Variants in ING2 observed in about 807,000 individuals in gnomAD.
The protein encoded by ING2 is inhibitor of growth family member 2.
Under a neutral mutation model 30.6 loss-of-function variants are expected in ING2, and 7 were observed. The observed-to-expected ratio is 0.23, with a 90% CI of 0.13 to 0.43. ING2 has a LOEUF of 0.43. Ranked by LOEUF, ING2 falls within the 20% of genes least tolerant of loss-of-function variation. ING2 has a pLI of 1.00. For missense variants in ING2, 239 were observed against 334.9 expected (o/e 0.71, Z 2.24); for synonymous variants, 136 against 121.7 (o/e 1.12, Z -0.78).
rs912815939 is a variant in ING2, at chr4:183,510,951, A to G, written c.842A>G (p.Ter281TrpextTer1). 6 of 1,571,456 alleles carry G rather than the reference A, an allele frequency of 3.8e-6. No homozygotes were observed. Among genetic ancestry groups the G allele is most frequent in the Non-Finnish European group, 5.2e-6 (6 of 1,157,802 alleles). ...EKTKKDRRSR[*>W] ...ACAAAAAAGGATAGAAGATCGAGGT[A>G]GTAAAGGCCATCCACATTTTAAAGG... Residue 281 changes from the stop codon to tryptophan, a stop_lost, in exon 2 of 2, where the codon TAG (stop) becomes TGG (tryptophan). Transcript: ENST00000302327.
chr4:183,505,720 C>T (rs1260273792), intron 1 of ING2, among the ~76,000 whole-genome samples: 3 of 150,518 alleles, frequency 2.0e-5, no homozygotes, highest in African/African-American at 4.9e-5. Flanking sequence ...TGCAGCCGGG[C>T]AAGGGTCGGA....
chr4:183,508,302 C>T (rs1399740141), intron 1 of ING2, among the ~76,000 whole-genome samples: 1 of 151,906 alleles, frequency 6.6e-6, no homozygotes, highest in African/African-American at 2.4e-5. Flanking sequence ...CTGTACTTAG[C>T]CTCTAACACC....
chr4:183,508,333 T>C (rs1421674409), intron 1 of ING2, among the ~76,000 whole-genome samples: 1 of 152,208 alleles, frequency 6.6e-6, no homozygotes, highest in Non-Finnish European at 1.5e-5. Flanking sequence ...GTACAAAATA[T>C]TTGAAAAGAG....
intron 1 of ING2, among the ~76,000 whole-genome samples, chr4:183,507,104 T>G (rs1734666474): frequency 6.6e-6 from 1 of 152,038 alleles, no homozygotes; most frequent in African/African-American, 2.4e-5. Context: ...AAGCTTGTAG[T>G]TTGTGTTGTT....
intron 1 of ING2, chr4:183,506,439 C>G (rs574529437): frequency 6.6e-6 from 4 of 609,472 alleles, no homozygotes; most frequent in South Asian, 6.1e-5. Context: ...GCGAAACCAC[C>G]CTTTGCCGGC....
chr4:183,510,924 A>G lies in ING2; in HGVS notation c.815A>G (p.Lys272Arg), dbSNP rs756496703. The change falls in exon 2 of 2, where the codon AAG (lysine) becomes AGG (arginine). Residue 272 changes from lysine to arginine, a missense_variant. By Grantham distance (26) the Lys-to-Arg change is conservative. Transcript: ENST00000302327. ...NEKTMDKSTE[K>R]TKKDRRSR ...AAAACAATGGACAAAAGTACTGAAA[A>G]GACAAAAAAGGATAGAAGATCGAGG... 1 of 1,599,070 alleles carries G rather than the reference A, an allele frequency of 6.3e-7. No homozygotes were observed. Among genetic ancestry groups the G allele is most frequent in the South Asian group, 1.1e-5 (1 of 89,936 alleles).
In ING2 at chr4:183,510,275, T is replaced by C. The variant is rs1734791416; in HGVS notation, c.173-7T>C. 1 of 1,548,200 alleles carries C rather than the reference T, an allele frequency of 6.5e-7. No individual in the cohort carries two copies. The highest frequency in any genetic ancestry group is 2.1e-5 in the Admixed American group (1 of 47,504). Reference sequence around the variant, plus strand: ...TAACGTTCTCATTTTTCTTTTCCTTTTTTTAGAAACGTTAAAGGAAATTGA... The same window carrying C: ...TAACGTTCTCATTTTTCTTTTCCTTCTTTTAGAAACGTTAAAGGAAATTGA... On this transcript the variant is annotated splice_polypyrimidine_tract_variant and splice_region_variant and intron_variant, in intron 1 of 1. Coordinates refer to ENST00000302327, the MANE Select transcript of ING2 (RefSeq NM_001564.4).
At chr4:183,510,185 T>G (rs576425233) in intron 1 of ING2, 97 bp from the exon 2 acceptor site, 534 of 849,526 alleles carry the variant, frequency 6.3e-4, no homozygotes, top group Non-Finnish European at 9.1e-4. Context: ...TTTCATGGTT[T>G]GAGTTCTAAT....
chr4:183,506,011 G>C, intron 1 of ING2: 1 of 887,830 alleles, frequency 1.1e-6, no homozygotes, highest in Non-Finnish European at 1.4e-6. Flanking sequence ...CCGCGGGAGA[G>C]GAAGAGAGGG....
Position 183,506,315 on chromosome 4 carries a change from C to T in ING2, c.172+948C>T, listed in dbSNP as rs952290915. 3.9e-5 allele frequency: 51 copies of T among 1,303,832 alleles called. No individual in the cohort carries two copies. The Admixed American group carries it at 7.6e-4, about 19-fold the overall frequency. The allele number at this position is 1,303,832 out of a possible 1,614,324, so 80.8% of individuals were successfully genotyped here. A position where few individuals can be genotyped will look rare whatever the true frequency, so the allele number is the denominator to read the frequency against. ...GCTCGGACCGTCGCGGATCCTGGCTCCGCGTAGGTTCCGGGACATGTGTCA... is the reference window on the plus strand; with the variant it reads ...GCTCGGACCGTCGCGGATCCTGGCTTCGCGTAGGTTCCGGGACATGTGTCA... On this transcript the variant is annotated intron_variant, in intron 1 of 1. Transcript: ENST00000302327.
intron 1 of ING2, among the ~76,000 whole-genome samples, chr4:183,505,813 T>C (rs1348970141): frequency 6.6e-6 from 1 of 151,760 alleles, no homozygotes; most frequent in Non-Finnish European, 1.5e-5. Context: ...GCGGGTGCTT[T>C]GGAACGTGCG....
chr4:183,511,155 G>C lies in ING2; in HGVS notation c.*203G>C, dbSNP rs533279662. ...AATATTTCCAACCAGGTAGTCTTCA[G>C]ATCACCTGATGAAAGGAGCAGGGAA... On this transcript the variant is annotated 3_prime_UTR_variant, in exon 2 of 2. Coordinates refer to ENST00000302327, the MANE Select transcript of ING2 (RefSeq NM_001564.4). The C allele has an allele frequency of 4.1e-5, 19 of 461,850 alleles. No individual in the cohort carries two copies. Among genetic ancestry groups the C allele is most frequent in the Non-Finnish European group, 6.9e-5 (18 of 262,536 alleles). 28.6% of individuals were successfully genotyped at this position (461,850 alleles called of 1,614,324 possible).
rs1560971691 is a variant in ING2 at position 183,511,682 on chromosome 4, A to G, written c.*730A>G. On this transcript the variant is annotated 3_prime_UTR_variant, in exon 2 of 2. Coordinates refer to ENST00000302327, the MANE Select transcript of ING2 (RefSeq NM_001564.4). The stretch of plus-strand genomic sequence containing the variant: ...TAAGAGTAGTTAGCATACCAAAAAT[A>G]TACATTGGCTTACATTGGCAAACTT... Among the ~76,000 whole-genome samples the G allele has an allele frequency of 1.3e-5, 2 of 152,258 alleles. No homozygotes were observed. Among genetic ancestry groups the G allele is most frequent in the Non-Finnish European group, 2.9e-5 (2 of 68,044 alleles).
chr4:183,505,150 G>C lies in ING2; in HGVS notation c.-46G>C, dbSNP rs1360671169. ...CGCGGCGGCCGCGGCCGGTGCATGT[G>C]CGGCTGCTGGATGCGGAGGCGGCGG... On this transcript the variant is annotated 5_prime_UTR_variant, in exon 1 of 2. Transcript: ENST00000302327. 14 of 1,561,988 alleles carry C rather than the reference G, an allele frequency of 9.0e-6. No individual in the cohort carries two copies. In the Admixed American group the frequency reaches 9.2e-5, roughly 10 times the overall value.
At chr4:183,505,725 GT>G (rs201871664) in intron 1 of ING2, among the ~76,000 whole-genome samples, 12,932 of 152,244 alleles carry the variant, frequency 0.085, 648 homozygotes, top group Middle Eastern at 0.14. Flanking sequence ...CCGGGCAAGG[GT>G]CGGAGGGAGT....
At chr4:183,506,029 T>C in intron 1 of ING2, 2 of 1,005,502 alleles carry the variant, frequency 2.0e-6, no homozygotes, top group Non-Finnish European at 2.5e-6. Flanking sequence ...GGGGCGTGTG[T>C]GGCGGGGAGG....
At chr4:183,508,856 A>G (rs183057124) in intron 1 of ING2, among the ~76,000 whole-genome samples, 1,680 of 150,064 alleles carry the variant, frequency 0.011, 17 homozygotes, top group Middle Eastern at 0.02. Context: ...ATCTGAAATT[A>G]TATTTTCAGA....
In ING2 at chr4:183,511,149, T is replaced by C. The variant is rs1001918647; in HGVS notation, c.*197T>C. On this transcript the variant is annotated 3_prime_UTR_variant, in exon 2 of 2. Coordinates refer to ENST00000302327, the MANE Select transcript of ING2 (RefSeq NM_001564.4). ...TTACCAAATATTTCCAACCAGGTAG[T>C]CTTCAGATCACCTGATGAAAGGAGC... 3 of 472,514 alleles carry C rather than the reference T, an allele frequency of 6.3e-6. No individual in the cohort carries two copies. In the South Asian group the frequency reaches 1.1e-4, roughly 18 times the overall value. 29.3% of individuals were successfully genotyped at this position (472,514 alleles called of 1,614,324 possible). A position where few individuals can be genotyped will look rare whatever the true frequency, so the allele number is the denominator to read the frequency against.
At chr4:183,506,223 T>C in intron 1 of ING2, 2 of 1,304,066 alleles carry the variant, frequency 1.5e-6, no homozygotes, top group Non-Finnish European at 2.0e-6. Flanking sequence ...AATCGGGGTT[T>C]GCAGCATGTT....
Sources: gnomAD v4.1 joint callset for allele counts (sites outside exome capture counted in the v4.1 genomes callset) on GRCh38, gnomAD v4.1.1 for gene constraint, MANE v1.5 for transcripts, NCBI Gene and HGNC (gene_info 2026-07-23, HGNC 2026-07-21) for gene names.